Variants in ARMC2 observed in about 807,000 individuals in gnomAD.
ARMC2 encodes armadillo repeat-containing protein 2.
ARMC2 carries 67 observed loss-of-function variants against 90.3 expected under a neutral mutation model. That is an observed-to-expected ratio of 0.74 (90% confidence interval 0.61 to 0.91). ARMC2 has a LOEUF of 0.91. Among genes scored for constraint, ARMC2 ranks in the 40% least tolerant of loss-of-function variants. The pLI, the probability that ARMC2 is intolerant of heterozygous loss-of-function variation, is 0.00. For missense variants in ARMC2, 920 were observed against 1,030.9 expected (o/e 0.89, Z 1.47); for synonymous variants, 393 against 393.0 (o/e 1.00, Z 0.00).
chr6:108,948,833 A>G (rs868368154), intron 12 of ARMC2, among the ~76,000 whole-genome samples: 5 of 152,156 alleles, frequency 3.3e-5, no homozygotes, highest in Middle Eastern at 3.2e-3. Flanking sequence ...TGCATGTGAC[A>G]GTGGGGAGAG....
chr6:109,018,925 C>A, the ARMC2 span, among the ~76,000 whole-genome samples: 1,326 of 152,226 alleles, frequency 8.7e-3, 25 homozygotes, highest in African/African-American at 0.03. Context: ...CTGTGTGAAT[C>A]AGATTTTCTT....
chr6:108,953,406 A>C, intron 13 of ARMC2, 55 bp downstream of exon 13: 1 of 1,510,200 alleles, frequency 6.6e-7, no homozygotes, highest in East Asian at 2.3e-5. Flanking sequence ...CCCGCGGCCC[A>C]AAGACAGTTC....
At chr6:109,018,315 C>T in the ARMC2 span, among the ~76,000 whole-genome samples, 6 of 152,280 alleles carry the variant, frequency 3.9e-5, no homozygotes, top group South Asian at 6.2e-4. Context: ...AATGTCTCTC[C>T]CACCATCTGT....
chr6:108,850,339 T>C (rs1582906114), intron 1 of ARMC2, among the ~76,000 whole-genome samples: 4 of 152,248 alleles, frequency 2.6e-5, no homozygotes, highest in Admixed American at 2.6e-4. Flanking sequence ...TTTTAAAAGG[T>C]CCCTTGCCCT....
chr6:109,029,909 C>G, the ARMC2 span, among the ~76,000 whole-genome samples: 1 of 152,112 alleles, frequency 6.6e-6, no homozygotes, highest in Non-Finnish European at 1.5e-5. Flanking sequence ...TTATATTTTG[C>G]TGAGCTTCTT....
intron 6 of ARMC2, among the ~76,000 whole-genome samples, chr6:108,898,415 C>T (rs1771813544): frequency 6.6e-6 from 1 of 152,212 alleles, no homozygotes. Context: ...CCCGAGAGGG[C>T]ATGGACTCCC....
chr6:108,964,065 A>G, intron 15 of ARMC2, 115 bp from the exon 16 acceptor site: 1 of 1,148,348 alleles, frequency 8.7e-7, no homozygotes. Context: ...TAAGTCCCTT[A>G]ACAGGGGTTC....
chr6:109,002,190 C>T, the ARMC2 span: 4 of 1,148,190 alleles, frequency 3.5e-6, no homozygotes, highest in South Asian at 1.3e-5. Flanking sequence ...TGTTGTTGAC[C>T]AACAGTTCTT....
rs754936975 is a variant in ARMC2, at chr6:108,868,907, T to G, written c.375T>G (p.Ile125Met). Reference sequence around the variant, plus strand: ...AGCCCCCAGTGGACCCTGCGAAGATTAGAAGAGTAAGCAACGCCAGGGCTC... The same window carrying G: ...AGCCCCCAGTGGACCCTGCGAAGATGAGAAGAGTAAGCAACGCCAGGGCTC... ...FPKPPVDPAKIRRVSNARARL... is the reference protein window; with the variant it reads ...FPKPPVDPAKMRRVSNARARL... The change falls in exon 4 of 18, where the codon ATT (isoleucine) becomes ATG (methionine). Residue 125 changes from isoleucine (I) to methionine (M), a missense_variant. Transcript: ENST00000392644. 6.2e-7 allele frequency: 1 copy of G among 1,614,000 alleles called. No homozygotes were observed. The highest frequency in any genetic ancestry group is 8.5e-7 in the Non-Finnish European group (1 of 1,179,892).
intron 7 of ARMC2, among the ~76,000 whole-genome samples, chr6:108,902,017 C>A (rs1254442961): frequency 6.6e-6 from 1 of 152,236 alleles, no homozygotes; most frequent in Non-Finnish European, 1.5e-5. Context: ...CCTCTCAGCA[C>A]CTCCTGCCAG....
chr6:108,882,962 A>C (rs1158849116), intron 5 of ARMC2, among the ~76,000 whole-genome samples: 1 of 152,248 alleles, frequency 6.6e-6, no homozygotes, highest in African/African-American at 2.4e-5. Context: ...GTATTCCAAG[A>C]AAAATTTGAT....
At chr6:109,033,130 G>T in the ARMC2 span, among the ~76,000 whole-genome samples, 1 of 152,138 alleles carries the variant, frequency 6.6e-6, no homozygotes, top group African/African-American at 2.4e-5. Flanking sequence ...ATGAGGTGTT[G>T]AGGTGTGATT....
At chr6:109,013,889 G>A in the ARMC2 span, among the ~76,000 whole-genome samples, 2 of 151,922 alleles carry the variant, frequency 1.3e-5, no homozygotes, top group Non-Finnish European at 2.9e-5. Flanking sequence ...ATATCTTCCT[G>A]TTTTTATCTA....
chr6:108,862,922 T>C (rs1775424514), intron 3 of ARMC2, among the ~76,000 whole-genome samples: 1 of 152,204 alleles, frequency 6.6e-6, no homozygotes, highest in Non-Finnish European at 1.5e-5. Context: ...GCTGCTTTTG[T>C]ACAGCTGCCC....
At chr6:108,861,630 C>T (rs963940240) in intron 3 of ARMC2, among the ~76,000 whole-genome samples, 4 of 152,168 alleles carry the variant, frequency 2.6e-5, no homozygotes, top group African/African-American at 9.7e-5. Flanking sequence ...CAAGCACGAA[C>T]CAATATTGCA....
chr6:108,889,829 T>TA (rs1770775266), intron 5 of ARMC2, among the ~76,000 whole-genome samples: 2 of 151,898 alleles, frequency 1.3e-5, no homozygotes. Context: ...CTCTAGTTCT[T>TA]ACAATCTGTT....
At chr6:109,050,146 G>A in the ARMC2 span, among the ~76,000 whole-genome samples, 1 of 152,092 alleles carries the variant, frequency 6.6e-6, no homozygotes, top group Non-Finnish European at 1.5e-5. Context: ...CAGGTTTTAT[G>A]GGATGACACA....
intron 12 of ARMC2, among the ~76,000 whole-genome samples, chr6:108,946,484 C>T (rs17070054): frequency 0.016 from 2,505 of 152,308 alleles, 74 homozygotes; most frequent in African/African-American, 0.059. Context: ...CAGTAGTGCA[C>T]AGTCTGTCTT....
chr6:108,860,661 C>CAAA (rs61194526), intron 3 of ARMC2, among the ~76,000 whole-genome samples: 4 of 60,028 alleles, frequency 6.7e-5, no homozygotes, highest in South Asian at 6.0e-4. Context: ...GACTCCATCT[C>CAAA]AAAAAAAAAA....
Sources: allele counts gnomAD v4.1 joint callset (sites outside exome capture counted in the v4.1 genomes callset), GRCh38; gene constraint gnomAD v4.1.1; transcripts MANE v1.5; gene names NCBI Gene and HGNC (gene_info 2026-07-23, HGNC 2026-07-21).